The following GDA variants were observed in gnomAD, a reference collection of about 807,000 sequenced individuals.
GDA encodes cytoplasmic PSD-95 interactor.
Under a neutral mutation model 59.6 loss-of-function variants are expected in GDA, and 18 were observed. The observed-to-expected ratio is 0.30, with a 90% confidence interval of 0.21 to 0.45. The LOEUF (loss-of-function observed/expected upper bound fraction) is 0.45. Ranked by LOEUF, GDA falls within the 20% of genes least tolerant of loss-of-function variation. The probability of loss-of-function intolerance (pLI) is 1.00; values close to 1 mark genes in which losing one functional copy is unlikely to be tolerated. For missense variants in GDA, 427 were observed against 552.3 expected (o/e 0.77, Z 2.27); for synonymous variants, 201 against 201.1 (o/e 1.00, Z 0.00).
intron 10 of GDA, among the ~76,000 whole-genome samples, chr9:72,232,215 A>T (rs1413166648): frequency 6.6e-6 from 1 of 152,188 alleles, no homozygotes; most frequent in African/African-American, 2.4e-5. Flanking sequence ...TATCTTCCTC[A>T]TATTTAAGAG....
intron 10 of GDA, among the ~76,000 whole-genome samples, chr9:72,238,968 T>C (rs1009010359): frequency 6.6e-6 from 1 of 152,210 alleles, no homozygotes; most frequent in Non-Finnish European, 1.5e-5. Flanking sequence ...AAAAGTTCCA[T>C]GCGCACAGTT....
rs1354600545 is a variant in GDA at position 72,204,633 on chromosome 9, G to C, written c.384+1891G>C. On this transcript the variant is annotated intron_variant, in intron 3 of 13. Coordinates refer to ENST00000358399, the MANE Select transcript of GDA (RefSeq NM_004293.5). ...AGAAAATTAATCTCAATATTCCTTA[G>C]TGTGGATAGACACTATGCTGCCAAA... 3.9e-5 allele frequency among the ~76,000 whole-genome samples: 6 copies of C among 152,186 alleles called. No homozygotes were observed. The South Asian group carries it at 6.2e-4, about 16-fold the overall frequency.
At chr9:72,150,874 G>A (rs1011972503) in intron 1 of GDA, among the ~76,000 whole-genome samples, 1 of 152,150 alleles carries the variant, frequency 6.6e-6, no homozygotes, top group Non-Finnish European at 1.5e-5. Context: ...GGTAAACCCT[G>A]AGACTGATGA....
At chr9:72,222,480 T>C (rs1837015923) in intron 6 of GDA, among the ~76,000 whole-genome samples, 1 of 152,228 alleles carries the variant, frequency 6.6e-6, no homozygotes, top group South Asian at 2.1e-4. Context: ...GTCAGATGCA[T>C]AGTTTGCAGA....
intron 10 of GDA, among the ~76,000 whole-genome samples, chr9:72,239,331 T>G (rs541673019): frequency 6.6e-6 from 1 of 152,354 alleles, no homozygotes; most frequent in East Asian, 1.9e-4. Flanking sequence ...TCTCTCAATT[T>G]TTTTCCAGTA....
At chr9:72,147,443 A>T (rs1267650386), upstream of GDA, among the ~76,000 whole-genome samples, 1 of 152,198 alleles carries the variant, frequency 6.6e-6, no homozygotes, top group African/African-American at 2.4e-5. Context: ...CGACCTCGTG[A>T]TCCACCCGCC....
chr9:72,250,528 C>T lies in GDA; in HGVS notation c.*2186C>T. On this transcript the variant is annotated 3_prime_UTR_variant, in exon 14 of 14. Coordinates refer to ENST00000358399, the MANE Select transcript of GDA (RefSeq NM_004293.5). ...TATGTACTTTGATCTCTCCACATCA[C>T]TTATAACTTATGTGTTTTATTTCTC... The T allele has an allele frequency of 7.1e-7, 1 of 1,415,084 alleles. No individual in the cohort carries two copies. The highest frequency in any genetic ancestry group is 2.6e-5 in the East Asian group (1 of 38,678). 87.7% of individuals were successfully genotyped at this position (1,415,084 alleles called of 1,614,324 possible). A position where few individuals can be genotyped will look rare whatever the true frequency, so the allele number is the denominator to read the frequency against.
intron 1 of GDA, among the ~76,000 whole-genome samples, chr9:72,180,016 A>G (rs1587503828): frequency 6.6e-6 from 1 of 150,914 alleles, no homozygotes; most frequent in African/African-American, 2.4e-5. Flanking sequence ...TTGGGGTGGG[A>G]GGGGAGGTTC....
chr9:72,210,833 G>A, intron 4 of GDA, 59 bp downstream of exon 4: 2 of 1,042,744 alleles, frequency 1.9e-6, no homozygotes, highest in Non-Finnish European at 1.5e-6. Context: ...GACCATCGTG[G>A]CAAACAACTT....
intron 11 of GDA, 40 bp from the exon 12 acceptor site, chr9:72,245,108 G>A (rs1840010917): frequency 6.2e-7 from 1 of 1,608,342 alleles, no homozygotes; most frequent in African/African-American, 1.3e-5. Context: ...GTGGTCTGAT[G>A]GCTTGCAATC....
chr9:72,225,799 A>G lies in GDA; in HGVS notation c.822+15A>G, dbSNP rs1451891507. 3.1e-6 allele frequency: 3 copies of G among 979,150 alleles called. No homozygotes were observed. The highest frequency in any genetic ancestry group is 1.4e-5 in the South Asian group (1 of 69,832). The allele number at this position is 979,150 out of a possible 1,614,324, so 60.7% of individuals were successfully genotyped here. A position where few individuals can be genotyped will look rare whatever the true frequency, so the allele number is the denominator to read the frequency against. The stretch of plus-strand genomic sequence containing the variant: ...TGACAAATAAGGTAAGTTTTATATC[A>G]TGACATAATCTGTTTAAAGGAGGGC... On this transcript the variant is annotated intron_variant, in intron 8 of 13. Coordinates refer to ENST00000358399, the MANE Select transcript of GDA (RefSeq NM_004293.5).
At chr9:72,226,016 C>T (rs11143181) in intron 8 of GDA, among the ~76,000 whole-genome samples, 1,398 of 124,454 alleles carry the variant, frequency 0.011, 17 homozygotes, top group African/African-American at 0.041. Context: ...TGTGTGTGTG[C>T]GTGTGTGTGT....
At chr9:72,157,478 T>A (rs886715989) in intron 1 of GDA, among the ~76,000 whole-genome samples, 1 of 152,228 alleles carries the variant, frequency 6.6e-6, no homozygotes, top group Non-Finnish European at 1.5e-5. Flanking sequence ...CAAGAATAAC[T>A]ACCTTCTCCT....
intron 3 of GDA, among the ~76,000 whole-genome samples, chr9:72,206,789 T>C (rs1834773115): frequency 6.6e-6 from 1 of 152,096 alleles, no homozygotes; most frequent in African/African-American, 2.4e-5. Flanking sequence ...ATAATTATTA[T>C]AATTATAATT....
downstream of GDA, chr9:72,253,539 G>A (rs1329432760): frequency 6.6e-6 from 1 of 152,244 alleles, no homozygotes; most frequent in Admixed American, 6.5e-5. Flanking sequence ...CTATCTGTGA[G>A]GAATAAAGTT....
chr9:72,149,723 G>A, intron 1 of GDA, 41 bp downstream of exon 1: 1 of 1,557,972 alleles, frequency 6.4e-7, no homozygotes. Flanking sequence ...ACGGGCGGGA[G>A]GATAGGTGCA....
At chr9:72,129,233 G>T (rs1024861321) in intron 1 of GDA, among the ~76,000 whole-genome samples, 3 of 152,102 alleles carry the variant, frequency 2.0e-5, no homozygotes, top group Non-Finnish European at 4.4e-5. Context: ...AAAGTGCTAG[G>T]ATTACAGGCG....
At chr9:72,142,152 CAGA>C (rs1275528822) in intron 1 of GDA, among the ~76,000 whole-genome samples, 2 of 152,096 alleles carry the variant, frequency 1.3e-5, no homozygotes, top group Admixed American at 1.3e-4. Flanking sequence ...TCATGTTCAT[CAGA>C]AGTTCTGATT....
Position 72,248,750 on chromosome 9 carries a change from G to C in GDA, c.*408G>C. On this transcript the variant is annotated 3_prime_UTR_variant, in exon 14 of 14. Coordinates refer to ENST00000358399, the MANE Select transcript of GDA (RefSeq NM_004293.5). ...ATTAGAAGACTGAAAATGGACCCAT[G>C]AGAGTATATTTTTATGAGGGAGCAA... The C allele has an allele frequency of 3.0e-6, 3 of 997,914 alleles. No homozygotes were observed. The highest frequency in any genetic ancestry group is 2.4e-6 in the Non-Finnish European group (2 of 835,912). 61.8% of individuals were successfully genotyped at this position (997,914 alleles called of 1,614,324 possible). A position where few individuals can be genotyped will look rare whatever the true frequency, so the allele number is the denominator to read the frequency against.
Sources: gnomAD v4.1 joint callset for allele counts (sites outside exome capture counted in the v4.1 genomes callset) on GRCh38, gnomAD v4.1.1 for gene constraint, MANE v1.5 for transcripts, NCBI Gene and HGNC (gene_info 2026-07-23, HGNC 2026-07-21) for gene names.